The following AUTS2 variants were observed in gnomAD, a reference collection of about 807,000 sequenced individuals.
AUTS2 encodes autism susceptibility gene 2 protein.
Under a neutral mutation model 112.4 loss-of-function variants are expected in AUTS2, and 17 were observed. The observed-to-expected ratio is 0.15, with a 90% CI of 0.10 to 0.23. AUTS2 has a LOEUF of 0.23. AUTS2 is among the 10% of genes least tolerant of loss of function. AUTS2 has a pLI of 1.00. For missense variants in AUTS2, 1,510 were observed against 1,701.6 expected (o/e 0.89, Z 1.98); for synonymous variants, 751 against 702.7 (o/e 1.07, Z -1.09).
At chr7:70,205,328 T>A (rs1810516442) in intron 4 of AUTS2, among the ~76,000 whole-genome samples, 1 of 152,134 alleles carries the variant, frequency 6.6e-6, no homozygotes, top group Non-Finnish European at 1.5e-5. Flanking sequence ...AATCACTTAA[T>A]CCTTTAATAG....
At chr7:70,679,790 A>G (rs2129545045) in intron 5 of AUTS2, among the ~76,000 whole-genome samples, 1 of 152,338 alleles carries the variant, frequency 6.6e-6, no homozygotes, top group Middle Eastern at 3.4e-3. Context: ...AGAATTTAGC[A>G]GTGTTCTGAT....
chr7:70,618,225 G>C (rs1563079418), intron 5 of AUTS2, among the ~76,000 whole-genome samples: 1 of 152,194 alleles, frequency 6.6e-6, no homozygotes, highest in African/African-American at 2.4e-5. Flanking sequence ...GAGACCTGTA[G>C]AGAGGCCAAG....
At chr7:70,452,428 C>T (rs1043852877) in intron 5 of AUTS2, among the ~76,000 whole-genome samples, 4 of 152,168 alleles carry the variant, frequency 2.6e-5, no homozygotes, top group African/African-American at 9.7e-5. Context: ...CACTGCACTC[C>T]AGTCTGGGCG....
intron 4 of AUTS2, among the ~76,000 whole-genome samples, chr7:70,145,049 A>G (rs1484970658): frequency 6.6e-6 from 1 of 152,122 alleles, no homozygotes; most frequent in Non-Finnish European, 1.5e-5. Context: ...ATCAAGTGCT[A>G]CAACTGTCTT....
At chr7:70,000,620 G>C (rs192735496) in intron 2 of AUTS2, among the ~76,000 whole-genome samples, 1 of 152,102 alleles carries the variant, frequency 6.6e-6, no homozygotes, top group Non-Finnish European at 1.5e-5. Flanking sequence ...ATTCAATTCT[G>C]TATTCTCCCA....
intron 5 of AUTS2, among the ~76,000 whole-genome samples, chr7:70,652,880 T>A (rs1269340179): frequency 5.9e-5 from 9 of 152,216 alleles, no homozygotes; most frequent in Admixed American, 5.9e-4. Flanking sequence ...GATATCCAGA[T>A]TCTTTTTTGT....
At chr7:70,589,713 C>A (rs1802849881) in intron 5 of AUTS2, among the ~76,000 whole-genome samples, 1 of 151,836 alleles carries the variant, frequency 6.6e-6, no homozygotes. Context: ...AACTCTGTCT[C>A]AAAAAAAGAA....
intron 2 of AUTS2, among the ~76,000 whole-genome samples, chr7:70,066,506 T>C (rs1802498953): frequency 6.6e-6 from 1 of 151,818 alleles, no homozygotes; most frequent in Non-Finnish European, 1.5e-5. Context: ...AGTTTAATTT[T>C]AAAATCTAAC....
chr7:70,400,941 G>C (rs989531445), intron 4 of AUTS2, among the ~76,000 whole-genome samples: 2 of 152,132 alleles, frequency 1.3e-5, no homozygotes, highest in African/African-American at 4.8e-5. Context: ...TGGCAGCAGC[G>C]TACAAGATGG....
At chr7:70,108,783 CAAA>C (rs528009205) in intron 2 of AUTS2, among the ~76,000 whole-genome samples, 75 of 69,136 alleles carry the variant, frequency 1.1e-3, no homozygotes, top group African/African-American at 1.6e-3. Context: ...GCCAACATGG[CAAA>C]AAAAAAAAAA....
intron 3 of AUTS2, among the ~76,000 whole-genome samples, chr7:70,130,925 A>G (rs1441307774): frequency 6.6e-6 from 1 of 152,194 alleles, no homozygotes; most frequent in Non-Finnish European, 1.5e-5. Flanking sequence ...AGAAATAAGA[A>G]TGAAGCCCTT....
chr7:70,458,549 C>T (rs1296253434), intron 5 of AUTS2, among the ~76,000 whole-genome samples: 1 of 152,164 alleles, frequency 6.6e-6, no homozygotes, highest in African/African-American at 2.4e-5. Context: ...GCCAAGTGGC[C>T]GGGCTTTCTT....
chr7:69,990,405 A>T (rs780750870), intron 2 of AUTS2, among the ~76,000 whole-genome samples: 13 of 152,162 alleles, frequency 8.5e-5, no homozygotes, highest in Non-Finnish European at 1.6e-4. Flanking sequence ...GTTCATTTTC[A>T]TGTTGTTCCA....
chr7:70,256,493 C>A (rs187358626), intron 4 of AUTS2, among the ~76,000 whole-genome samples: 3 of 152,244 alleles, frequency 2.0e-5, no homozygotes, highest in Admixed American at 2.0e-4. Flanking sequence ...TCCAAGCTGC[C>A]AAGGACCTGC....
In AUTS2 at chr7:70,134,537, G is replaced by A. The variant is rs373179538; in HGVS notation, c.626G>A (p.Ser209Asn). The A allele has an allele frequency of 2.3e-5, 37 of 1,613,632 alleles. No homozygotes were observed. The highest frequency in any genetic ancestry group is 3.1e-5 in the Non-Finnish European group (37 of 1,179,734). ...RSSSRERLSD[S>N]SAPSSLGTGY... ...TTTTGTCTTTATGCTTTATTGCAGA[G>A]TTCAGCTCCTTCCAGCTTGGGAACA... Residue 209 changes from serine to asparagine, a missense_variant and splice_region_variant, in exon 4 of 19, where the codon AGT becomes AAT. By Grantham distance (46) the Ser-to-Asn change is conservative. This residue lies in a region of AUTS2 where 535 missense variants were observed against 594.3 expected (regional missense o/e 0.90). Transcript: ENST00000342771.
At chr7:70,082,155 C>T (rs1036473012) in intron 2 of AUTS2, among the ~76,000 whole-genome samples, 15 of 151,980 alleles carry the variant, frequency 9.9e-5, no homozygotes, top group African/African-American at 2.9e-4. Context: ...TTTACTAATC[C>T]GAAGAATGAC....
chr7:69,807,940 C>CA (rs752825294), intron 1 of AUTS2, among the ~76,000 whole-genome samples: 1 of 120,446 alleles, frequency 8.3e-6, no homozygotes, highest in Non-Finnish European at 1.7e-5. Context: ...TAGGCCCAAG[C>CA]TTTTTTTTTT....
chr7:69,995,653 G>C (rs1026526425), intron 2 of AUTS2, among the ~76,000 whole-genome samples: 1 of 152,154 alleles, frequency 6.6e-6, no homozygotes, highest in Non-Finnish European at 1.5e-5. Context: ...TGCCACTGAG[G>C]GTAGTCTGCT....
chr7:69,930,283 C>G (rs1016393582), intron 2 of AUTS2, among the ~76,000 whole-genome samples: 7 of 152,104 alleles, frequency 4.6e-5, no homozygotes, highest in Admixed American at 2.6e-4. Context: ...GCAGGTGAAC[C>G]CTCTGTAGAT....
Sources: allele counts gnomAD v4.1 joint callset (sites outside exome capture counted in the v4.1 genomes callset), GRCh38; gene constraint gnomAD v4.1.1; regional missense constraint gnomAD v4.1.1; transcripts MANE v1.5; gene names NCBI Gene and HGNC (gene_info 2026-07-23, HGNC 2026-07-21).